ESRP1: variants seen among roughly 807,000 people sequenced by gnomAD.
ESRP1 encodes the protein epithelial splicing regulatory protein 1, also known as RNA-binding motif protein 35A.
ESRP1 carries 33 observed loss-of-function variants against 81.7 expected under a neutral mutation model. That is an observed-to-expected ratio of 0.40 (90% CI 0.31 to 0.54). The LOEUF (loss-of-function observed/expected upper bound fraction) is 0.54. ESRP1 is among the 20% of genes least tolerant of loss of function. The pLI is 0.41. For synonymous variants in ESRP1, 320 were observed against 303.3 expected (o/e 1.06, Z -0.57); for missense variants, 672 against 833.1 (o/e 0.81, Z 2.38).
intron 13 of ESRP1, among the ~76,000 whole-genome samples, chr8:94,682,277 T>C (rs979681281): frequency 4.6e-5 from 7 of 152,216 alleles, no homozygotes; most frequent in Non-Finnish European, 1.0e-4. Flanking sequence ...GTGGGAGACA[T>C]GCTGATTCTT....
chr8:94,691,360 G>A (rs7842400), intron 13 of ESRP1, among the ~76,000 whole-genome samples: 61,231 of 152,058 alleles, frequency 0.4, 12,470 homozygotes, highest in East Asian at 0.56. Flanking sequence ...ATAGAAGGTT[G>A]AGGGCAGCTT....
Position 94,706,099 on chromosome 8 carries a change from T to C in ESRP1, c.*210T>C, listed in dbSNP as rs1018071069. The C allele has an allele frequency of 3.0e-6, 2 of 671,698 alleles. No homozygotes were observed. The highest frequency in any genetic ancestry group is 4.9e-6 in the Non-Finnish European group (2 of 409,176). The allele number at this position is 671,698 out of a possible 1,614,324, so 41.6% of individuals were successfully genotyped here. On this transcript the variant is annotated 3_prime_UTR_variant, in exon 16 of 16. Coordinates refer to ENST00000433389, the MANE Select transcript of ESRP1 (RefSeq NM_017697.4). ...AAAAATTTGAGCTAGTGAAGCCAAA[T>C]CGTAACTTACAGCAAGCAGCATGCA...
At chr8:94,667,506 T>C (rs1381994997) in intron 9 of ESRP1, among the ~76,000 whole-genome samples, 3 of 151,932 alleles carry the variant, frequency 2.0e-5, no homozygotes, top group Non-Finnish European at 4.4e-5. Context: ...CAGGAAAAGA[T>C]TTTTTTAACC....
intron 6 of ESRP1, among the ~76,000 whole-genome samples, chr8:94,664,120 CT>C (rs755384250): frequency 0.28 from 27,705 of 98,418 alleles, 2,653 homozygotes; most frequent in East Asian, 0.43. Context: ...ATTTCCTCAG[CT>C]TTTTTTTTTT....
chr8:94,696,786 T>G, intron 14 of ESRP1, 66 bp from the exon 15 acceptor site: 1 of 1,261,638 alleles, frequency 7.9e-7, no homozygotes, highest in Non-Finnish European at 1.1e-6. Flanking sequence ...TCTATTTAGC[T>G]GAAATATTAT....
intron 13 of ESRP1, among the ~76,000 whole-genome samples, chr8:94,682,994 G>T (rs1241979009): frequency 8.5e-6 from 1 of 117,200 alleles, no homozygotes; most frequent in African/African-American, 3.4e-5. Context: ...GCCCAGGCTG[G>T]AATGCAGTGG....
rs748110228 is a variant in ESRP1, at chr8:94,641,444, C to T, written c.126C>T (p.Asn42=). Residue 42 remains asparagine, a synonymous_variant, in exon 1 of 16, where the codon AAC becomes AAT. Transcript: ENST00000433389. ...TCTGGAAAGTCGTGGATCTGGCCAA[C>T]AAGAAGGTATTTCTCCACATTTTCG... is the stretch of plus-strand genomic sequence containing the variant. The part of the protein sequence containing the change: ...LLFWKVVDLA[N]KKVGQLHEVL... The T allele has an allele frequency of 1.9e-6, 3 of 1,613,806 alleles. No individual in the cohort carries two copies. The highest frequency in any genetic ancestry group is 1.1e-5 in the South Asian group (1 of 91,070).
At chr8:94,648,882 T>C (rs1449530365) in intron 4 of ESRP1, among the ~76,000 whole-genome samples, 3 of 152,242 alleles carry the variant, frequency 2.0e-5, no homozygotes, top group Non-Finnish European at 4.4e-5. Flanking sequence ...TTTGGAAACA[T>C]GCTTTATTAA....
rs146469871 is a variant in ESRP1 at position 94,647,286 on chromosome 8, C to A, written c.490+1004C>A. On this transcript the variant is annotated intron_variant, in intron 4 of 15. Transcript: ENST00000433389. ...AGTGTTGGGAAGAGGGTGGAATAAG[C>A]TCATTGTGACAGAATTCTTACAAGA... Among the ~76,000 whole-genome samples the A allele has an allele frequency of 6.8e-4, 104 of 152,252 alleles. 1 individual carries two copies. The highest frequency in any genetic ancestry group is 1.4e-3 in the Admixed American group (21 of 15,278).
intron 9 of ESRP1, among the ~76,000 whole-genome samples, chr8:94,667,068 G>GGGGTGTGTGT (rs1554577644): frequency 1.2e-4 from 17 of 144,314 alleles, no homozygotes; most frequent in Middle Eastern, 3.6e-3. Context: ...CCAGGAGAGG[G>GGGGTGTGTGT]GTGTGTGTGT....
chr8:94,683,516 T>G (rs1232823656), intron 13 of ESRP1, among the ~76,000 whole-genome samples: 1 of 152,192 alleles, frequency 6.6e-6, no homozygotes, highest in Non-Finnish European at 1.5e-5. Flanking sequence ...AATGGTAACA[T>G]ATGGGAATCA....
intron 15 of ESRP1, among the ~76,000 whole-genome samples, chr8:94,703,084 CATT>C (rs748542575): frequency 3.6e-4 from 52 of 146,036 alleles, no homozygotes; most frequent in Non-Finnish European, 2.4e-4. Context: ...GAAGAGGAAA[CATT>C]ATCTCCTTCT....
Position 94,668,235 on chromosome 8 carries a change from A to G in ESRP1, c.1218A>G (p.Ala406=). 2 of 1,585,710 alleles carry G rather than the reference A, an allele frequency of 1.3e-6. No homozygotes were observed. Among genetic ancestry groups the G allele is most frequent in the Non-Finnish European group, 1.7e-6 (2 of 1,163,082 alleles). ...ACATTGAACTCTTCAGGAGCACAGC[A>G]GCTGAAGTTCAGCAGGTTGGTTTTA... The part of the protein sequence containing the change: ...KRYIELFRST[A]AEVQQVLNRF... Residue 406 remains alanine (A), a synonymous_variant, in exon 10 of 16, where the codon GCA becomes GCG. Transcript: ENST00000433389.
In ESRP1 at chr8:94,641,204, G is replaced by T; in HGVS notation, c.-115G>T. 9.7e-7 allele frequency: 1 copy of T among 1,031,344 alleles called. No homozygotes were observed. The highest frequency in any genetic ancestry group is 1.4e-6 in the Non-Finnish European group (1 of 723,046). 63.9% of individuals were successfully genotyped at this position (1,031,344 alleles called of 1,614,324 possible). A position where few individuals can be genotyped will look rare whatever the true frequency, so the allele number is the denominator to read the frequency against. On this transcript the variant is annotated 5_prime_UTR_variant, in exon 1 of 16. Coordinates refer to ENST00000433389, the MANE Select transcript of ESRP1 (RefSeq NM_017697.4). ...GCACTAGCAGTAGCAAGGAAGGGGG[G>T]TGGGCGCTCTTTCTTTTTCTCTTAG...
chr8:94,662,245 A>G (rs1483926120), intron 4 of ESRP1, 27 bp from the exon 5 acceptor site: 7 of 1,418,512 alleles, frequency 4.9e-6, no homozygotes, highest in Non-Finnish European at 6.8e-6. Flanking sequence ...TACCTTTCCA[A>G]AGTGTTTCCT....
At chr8:94,665,250 C>T in intron 9 of ESRP1, 54 bp downstream of exon 9, 1 of 1,561,138 alleles carries the variant, frequency 6.4e-7, no homozygotes, top group Non-Finnish European at 8.7e-7. Flanking sequence ...AAAAATTTTG[C>T]ATACTTAAAT....
intron 4 of ESRP1, chr8:94,656,190 T>C (rs1335745498): frequency 7.2e-6 from 1 of 138,550 alleles, no homozygotes; most frequent in Non-Finnish European, 1.5e-5. Context: ...CTAGGCTACA[T>C]AGCAGGACCC....
At chr8:94,642,366 A>G (rs1423126105) in intron 2 of ESRP1, among the ~76,000 whole-genome samples, 1 of 152,164 alleles carries the variant, frequency 6.6e-6, no homozygotes. Flanking sequence ...CATTTTGCCA[A>G]TTGATTGACG....
chr8:94,691,283 A>C (rs1809393864), intron 13 of ESRP1, among the ~76,000 whole-genome samples: 1 of 152,220 alleles, frequency 6.6e-6, no homozygotes, highest in Admixed American at 6.5e-5. Flanking sequence ...CAAACAAACA[A>C]AAAAACACAA....
Sources: allele counts gnomAD v4.1 joint callset (sites outside exome capture counted in the v4.1 genomes callset), GRCh38; gene constraint gnomAD v4.1.1; transcripts MANE v1.5; gene names NCBI Gene and HGNC (gene_info 2026-07-23, HGNC 2026-07-21).